The following PLEKHA6 variants were observed in gnomAD, a reference collection of about 807,000 sequenced individuals.
PLEKHA6 encodes pleckstrin homology domain-containing family A member 6.
Under a neutral mutation model 116.7 loss-of-function variants are expected in PLEKHA6, and 60 were observed. That is an observed-to-expected ratio of 0.51 (90% confidence interval 0.42 to 0.64). The LOEUF is 0.64. Ranked by LOEUF, PLEKHA6 falls within the 30% of genes least tolerant of loss-of-function variation. The pLI, the probability that PLEKHA6 is intolerant of heterozygous loss-of-function variation, is 0.00. For synonymous variants in PLEKHA6, 489 were observed against 556.1 expected (o/e 0.88, Z 1.70); for missense variants, 1,338 against 1,422.7 (o/e 0.94, Z 0.96).
At chr1:204,266,663 A>T (rs1169123328) in intron 5 of PLEKHA6, among the ~76,000 whole-genome samples, 1 of 152,192 alleles carries the variant, frequency 6.6e-6, no homozygotes, top group Non-Finnish European at 1.5e-5. Flanking sequence ...CACTGGGTAC[A>T]ACCTTTGTTT....
intron 1 of PLEKHA6, among the ~76,000 whole-genome samples, chr1:204,344,717 A>G (rs917322245): frequency 2.0e-5 from 3 of 152,256 alleles, no homozygotes; most frequent in African/African-American, 7.2e-5. Context: ...TACCTCATCC[A>G]TATTATCAGG....
rs111947279 is a variant in PLEKHA6, at chr1:204,220,194, G to T, written c.*2594C>A. ...CTGCTCTTTCCAGCAGGCTGATGAA[G>T]AGGGGTAGTCTAGCAGCCCATCTGG... On this transcript the variant is annotated 3_prime_UTR_variant, in exon 23 of 23. Transcript: ENST00000272203. 920 of 152,438 alleles carry T rather than the reference G, an allele frequency of 6.0e-3. 5 individuals are homozygous for T. The highest frequency in any genetic ancestry group is 9.6e-3 in the Non-Finnish European group (651 of 68,088). 9.4% of individuals were successfully genotyped at this position (152,438 alleles called of 1,614,324 possible).
chr1:204,233,880 A>G (rs540156367), intron 17 of PLEKHA6, among the ~76,000 whole-genome samples: 2 of 152,258 alleles, frequency 1.3e-5, no homozygotes, highest in African/African-American at 4.8e-5. Flanking sequence ...TGATATTTCA[A>G]TGACATTTTA....
chr1:204,291,068 C>T (rs1217655266), intron 1 of PLEKHA6, among the ~76,000 whole-genome samples: 6 of 149,014 alleles, frequency 4.0e-5, no homozygotes, highest in African/African-American at 7.4e-5. Flanking sequence ...AACTATATAA[C>T]GCACATAGGA....
intron 1 of PLEKHA6, chr1:204,311,491 C>CAA (rs36122125): frequency 5.6e-3 from 2,199 of 392,938 alleles, no homozygotes; most frequent in Non-Finnish European, 6.9e-3. Flanking sequence ...AACTCTGTGT[C>CAA]AAAAAAAAAA....
At chr1:204,345,471 T>C (rs1673006408) in intron 1 of PLEKHA6, among the ~76,000 whole-genome samples, 1 of 152,072 alleles carries the variant, frequency 6.6e-6, no homozygotes, top group African/African-American at 2.4e-5. Flanking sequence ...GAGAACCCTC[T>C]CCACACTCCC....
Position 204,261,143 on chromosome 1 carries a change from A to G in PLEKHA6, c.524+163T>C, listed in dbSNP as rs1250509658. The stretch of plus-strand genomic sequence containing the variant: ...GGGAAGAGAGACTTCAGGCTCTGAA[A>G]TCACTCAGCCAGGCCTCCCGCCTGG... On this transcript the variant is annotated intron_variant, in intron 7 of 22. Coordinates refer to ENST00000272203, the MANE Select transcript of PLEKHA6 (RefSeq NM_014935.5). This position sits in a 1 kb window ranked among gnomAD's most constrained non-coding sequence, Gnocchi z 4.0. Among the ~76,000 whole-genome samples the G allele has an allele frequency of 2.0e-5, 3 of 152,160 alleles. No individual in the cohort carries two copies. The highest frequency in any genetic ancestry group is 6.5e-5 in the Admixed American group (1 of 15,280).
At chr1:204,322,868 A>G (rs974634171) in intron 1 of PLEKHA6, among the ~76,000 whole-genome samples, 1 of 152,148 alleles carries the variant, frequency 6.6e-6, no homozygotes, top group African/African-American at 2.4e-5. Flanking sequence ...GCATTTTGCA[A>G]ATTCCCTTCT....
At chr1:204,347,714 C>T (rs1423231873) in intron 1 of PLEKHA6, among the ~76,000 whole-genome samples, 4 of 152,098 alleles carry the variant, frequency 2.6e-5, no homozygotes, top group Non-Finnish European at 5.9e-5. Flanking sequence ...TCACAAACCA[C>T]GTTCTTCTGC....
At chr1:204,350,608 C>T (rs919843984) in intron 1 of PLEKHA6, among the ~76,000 whole-genome samples, 3 of 152,162 alleles carry the variant, frequency 2.0e-5, no homozygotes, top group African/African-American at 7.2e-5. Context: ...GTGCCAGGCA[C>T]TGCTCCCAAA....
chr1:204,297,482 G>A (rs1670394854), intron 1 of PLEKHA6, among the ~76,000 whole-genome samples: 2 of 152,228 alleles, frequency 1.3e-5, no homozygotes, highest in Admixed American at 6.5e-5. Context: ...TCCCCAGTTG[G>A]TCAGAGAGAA....
At chr1:204,354,457 A>G (rs1467244901) in intron 1 of PLEKHA6, among the ~76,000 whole-genome samples, 1 of 152,332 alleles carries the variant, frequency 6.6e-6, no homozygotes, top group Middle Eastern at 3.4e-3. Context: ...CTCAGCACCC[A>G]TCTGGTCTTT....
chr1:204,375,927 T>TTTTTTTTTTTTTTTTTTGA (rs1405738876), intron 1 of PLEKHA6, among the ~76,000 whole-genome samples: 1 of 150,698 alleles, frequency 6.6e-6, no homozygotes, highest in Admixed American at 6.6e-5. Context: ...CTTTCACTCT[T>TTTTTTTTTTTTTTTTTTGA]GTCTCTCCTC....
chr1:204,344,320 C>T (rs1236376474), intron 1 of PLEKHA6, among the ~76,000 whole-genome samples: 1 of 152,160 alleles, frequency 6.6e-6, no homozygotes, highest in East Asian at 1.9e-4. Context: ...ACATTTAAGG[C>T]CAGGCTTGGT....
chr1:204,327,840 GA>G, intron 1 of PLEKHA6, among the ~76,000 whole-genome samples: 1 of 152,326 alleles, frequency 6.6e-6, no homozygotes, highest in East Asian at 1.9e-4. Flanking sequence ...CATTCCTAAG[GA>G]AAGGACAGGG....
Position 204,250,597 on chromosome 1 carries a change from T to C in PLEKHA6, c.1542A>G (p.Glu514=), listed in dbSNP as rs1191054052. The change falls in exon 10 of 23, where the codon GAA becomes GAG. Residue 514 remains glutamate (E), a synonymous_variant. Transcript: ENST00000272203. ...ISSPKVPPYP[E]VFRDSLHTYK... is the part of the protein sequence containing the mutation. ...AGGTGTGGAGGCTGTCCCGGAACAC[T>C]TCTGGGTATGGAGGGACCTGCAGGA... 6.2e-7 allele frequency: 1 copy of C among 1,612,830 alleles called. No individual in the cohort carries two copies. The highest frequency in any genetic ancestry group is 8.5e-7 in the Non-Finnish European group (1 of 1,179,434).
intron 1 of PLEKHA6, among the ~76,000 whole-genome samples, chr1:204,289,232 G>A (rs1320081609): frequency 1.3e-5 from 2 of 152,158 alleles, no homozygotes; most frequent in African/African-American, 4.8e-5. Context: ...ATGAAACAGA[G>A]TGCCTTTAAG....
In PLEKHA6 at chr1:204,221,284, C is replaced by G. The variant is rs11793; in HGVS notation, c.*1504G>C. 76,979 of 152,474 alleles carry G rather than the reference C, an allele frequency of 0.5. 19,690 individuals are homozygous for G. The highest frequency in any genetic ancestry group is 0.59 in the African/African-American group (24,321 of 41,436). 9.4% of individuals were successfully genotyped at this position (152,474 alleles called of 1,614,324 possible). A position where few individuals can be genotyped will look rare whatever the true frequency, so the allele number is the denominator to read the frequency against. ...TAACTGTCCCAGCCATGAAGGAGTG[C>G]AGAGGAATTAGTAGGTGTTCTTGGG... is the stretch of plus-strand genomic sequence containing the variant. On this transcript the variant is annotated 3_prime_UTR_variant, in exon 23 of 23. Coordinates refer to ENST00000272203, the MANE Select transcript of PLEKHA6 (RefSeq NM_014935.5).
intron 1 of PLEKHA6, among the ~76,000 whole-genome samples, chr1:204,288,453 T>C (rs891502994): frequency 6.6e-6 from 1 of 152,248 alleles, no homozygotes; most frequent in African/African-American, 2.4e-5. Flanking sequence ...CCTGAGGCGT[T>C]TGGCTCTGGC....
Sources: allele counts gnomAD v4.1 joint callset (sites outside exome capture counted in the v4.1 genomes callset), GRCh38; gene constraint gnomAD v4.1.1; non-coding constraint Gnocchi (gnomAD v3.1); transcripts MANE v1.5; gene names NCBI Gene and HGNC (gene_info 2026-07-23, HGNC 2026-07-21).